RABEP1: variants seen among roughly 807,000 people sequenced by gnomAD.
RABEP1 encodes rab GTPase-binding effector protein 1.
RABEP1 carries 51 observed loss-of-function variants against 123.4 expected under a neutral mutation model. The ratio of observed to expected loss-of-function variants is 0.41; its 90% CI spans 0.33 to 0.52. The LOEUF is 0.52. Ranked by LOEUF, RABEP1 falls within the 20% of genes least tolerant of loss-of-function variation. The probability of loss-of-function intolerance (pLI) is 0.16; values close to 1 mark genes in which losing one functional copy is unlikely to be tolerated. For missense variants in RABEP1, 888 were observed against 996.3 expected (o/e 0.89, Z 1.46); for synonymous variants, 347 against 355.2 (o/e 0.98, Z 0.26).
At position 5,308,686 on chromosome 17, in the gene RABEP1, T is replaced by TC; in HGVS notation, c.35-3dup. The TC allele has an allele frequency of 6.2e-7, 1 of 1,602,738 alleles. No individual in the cohort carries two copies. Among genetic ancestry groups the TC allele is most frequent in the Admixed American group, 1.8e-5 (1 of 56,968 alleles). On this transcript the variant is annotated splice_polypyrimidine_tract_variant and splice_region_variant and intron_variant, in intron 1 of 17. Transcript: ENST00000537505. The stretch of plus-strand genomic sequence containing the variant: ...TATTACTTGTTAACTAGTGTTTTTT[T>TC]CCCCCAGTTTCTCTTCAGCAACGGG...
At chr17:5,368,886 A>G (rs1025413107) in intron 12 of RABEP1, among the ~76,000 whole-genome samples, 1 of 152,144 alleles carries the variant, frequency 6.6e-6, no homozygotes, top group African/African-American at 2.4e-5. Flanking sequence ...AGGCGGGTGG[A>G]TCACGAGGTC....
At chr17:5,380,576 T>C (rs1198556307) in intron 16 of RABEP1, 114 bp downstream of exon 16, 19 of 900,476 alleles carry the variant, frequency 2.1e-5, no homozygotes, top group Non-Finnish European at 3.1e-5. Context: ...TTTAAAAAGT[T>C]GGCAAAACTG....
chr17:5,369,244 G>A (rs1364727595), intron 12 of RABEP1, among the ~76,000 whole-genome samples: 6 of 152,178 alleles, frequency 3.9e-5, no homozygotes, highest in East Asian at 1.9e-4. Context: ...AGCAAGTGCC[G>A]GCTAGAGCCT....
chr17:5,310,197 C>G (rs1205300821), intron 2 of RABEP1, among the ~76,000 whole-genome samples: 3 of 151,872 alleles, frequency 2.0e-5, no homozygotes, highest in African/African-American at 2.4e-5. Flanking sequence ...TTACATACAA[C>G]CTTCATACAT....
At chr17:5,360,977 C>A in intron 8 of RABEP1, 1 of 499,542 alleles carries the variant, frequency 2.0e-6, no homozygotes, top group Non-Finnish European at 3.6e-6. Flanking sequence ...TTTTTTGAAG[C>A]CGTATGTATC....
intron 2 of RABEP1, among the ~76,000 whole-genome samples, chr17:5,320,421 CAAAAA>C (rs60202531): frequency 0.18 from 15,034 of 84,948 alleles, 1,067 homozygotes; most frequent in African/African-American, 0.31. Flanking sequence ...GCTAACACAC[CAAAAA>C]AAAAAAAAAA....
intron 1 of RABEP1, among the ~76,000 whole-genome samples, chr17:5,292,331 AT>A (rs554016456): frequency 1.3e-5 from 2 of 151,298 alleles, no homozygotes; most frequent in Admixed American, 1.3e-4. Context: ...TATATTGGCC[AT>A]TTTTTTGTGT....
Position 5,284,489 on chromosome 17 carries a change from A to G in RABEP1, c.34+1969A>G, listed in dbSNP as rs1203834650. On this transcript the variant is annotated intron_variant, in intron 1 of 17. Coordinates refer to ENST00000537505, the MANE Select transcript of RABEP1 (RefSeq NM_004703.6). ...TAATTTTTTTTTTTTTCTTTGAGACAGTATCTCACTCTGTTGCCCAGGCTG... is the reference window on the plus strand; with the variant it reads ...TAATTTTTTTTTTTTTCTTTGAGACGGTATCTCACTCTGTTGCCCAGGCTG... 4.6e-5 allele frequency among the ~76,000 whole-genome samples: 7 copies of G among 151,214 alleles called. 1 individual carries two copies. The South Asian group carries it at 8.4e-4, about 18-fold the overall frequency.
chr17:5,287,995 C>T (rs551053508), intron 1 of RABEP1, among the ~76,000 whole-genome samples: 2 of 151,988 alleles, frequency 1.3e-5, no homozygotes, highest in African/African-American at 4.8e-5. Context: ...GAAGCTTGGA[C>T]CAGGATGGAG....
At chr17:5,380,299 T>C (rs1911342919) in intron 15 of RABEP1, 65 bp from the exon 16 acceptor site, 1 of 1,116,350 alleles carries the variant, frequency 9.0e-7, no homozygotes, top group Non-Finnish European at 1.3e-6. Flanking sequence ...CTCTAGGCTC[T>C]TTTAGGTAGT....
intron 2 of RABEP1, among the ~76,000 whole-genome samples, chr17:5,331,514 G>T (rs1480678762): frequency 1.3e-5 from 2 of 152,134 alleles, no homozygotes; most frequent in African/African-American, 4.8e-5. Context: ...AAGAACATAC[G>T]TCTAGTCACT....
At chr17:5,282,925 C>T (rs927356497) in intron 1 of RABEP1, among the ~76,000 whole-genome samples, 20 of 152,208 alleles carry the variant, frequency 1.3e-4, no homozygotes, top group African/African-American at 4.3e-4. Context: ...TGTACCCTCC[C>T]TGCCGCCCCA....
intron 1 of RABEP1, among the ~76,000 whole-genome samples, chr17:5,291,566 T>C (rs67713242): frequency 0.25 from 37,293 of 152,144 alleles, 5,193 homozygotes; most frequent in East Asian, 0.49. Context: ...TTGGTTATGA[T>C]GTGAACAGTT....
chr17:5,383,445 C>T lies in RABEP1; in HGVS notation c.*222C>T. ...CCTTCAAATGCGAACACTATAAACT[C>T]CAGGCTTGATTCCAACAGGCGTGGG... On this transcript the variant is annotated 3_prime_UTR_variant, in exon 18 of 18. Transcript: ENST00000537505. The T allele has an allele frequency of 2.0e-6, 1 of 490,140 alleles. No individual in the cohort carries two copies. Among genetic ancestry groups the T allele is most frequent in the Non-Finnish European group, 3.7e-6 (1 of 272,108 alleles). 30.4% of individuals were successfully genotyped at this position (490,140 alleles called of 1,614,324 possible). A position where few individuals can be genotyped will look rare whatever the true frequency, so the allele number is the denominator to read the frequency against.
chr17:5,329,879 G>C (rs1467710864), intron 2 of RABEP1, among the ~76,000 whole-genome samples: 1 of 147,028 alleles, frequency 6.8e-6, no homozygotes, highest in African/African-American at 2.5e-5. Flanking sequence ...CTTCCTCCAG[G>C]CTCTCTATTT....
At chr17:5,345,498 T>G (rs951057146) in intron 5 of RABEP1, among the ~76,000 whole-genome samples, 5 of 152,206 alleles carry the variant, frequency 3.3e-5, no homozygotes, top group South Asian at 2.1e-4. Flanking sequence ...CATTATTAAT[T>G]AAACCAAATG....
chr17:5,374,588 C>T (rs545925807), intron 13 of RABEP1, among the ~76,000 whole-genome samples: 10 of 150,678 alleles, frequency 6.6e-5, no homozygotes, highest in African/African-American at 2.5e-4. Flanking sequence ...AGGCGTGCGC[C>T]AGCACGCTGG....
At chr17:5,346,502 G>A (rs180684818) in intron 5 of RABEP1, among the ~76,000 whole-genome samples, 39 of 152,246 alleles carry the variant, frequency 2.6e-4, no homozygotes, top group Admixed American at 2.2e-3. Context: ...TGTTGATGTG[G>A]GAATACAAAT....
intron 1 of RABEP1, among the ~76,000 whole-genome samples, chr17:5,284,479 T>TC (rs2074958321): frequency 6.6e-6 from 1 of 151,860 alleles, no homozygotes; most frequent in South Asian, 2.1e-4. Context: ...TTTTTTTTTT[T>TC]CTTTGAGACA....
Sources: gnomAD v4.1 joint callset for allele counts (sites outside exome capture counted in the v4.1 genomes callset) on GRCh38, gnomAD v4.1.1 for gene constraint, MANE v1.5 for transcripts, NCBI Gene and HGNC (gene_info 2026-07-23, HGNC 2026-07-21) for gene names.